Variants in ZRANB3 observed in about 807,000 individuals in gnomAD.
ZRANB3 encodes the protein zinc finger RANBP2-type containing 3.
In ZRANB3, 125 loss-of-function variants were observed where a neutral mutation model predicts 133.8. The ratio of observed to expected loss-of-function variants is 0.93; its 90% CI spans 0.81 to 1.08. The LOEUF (loss-of-function observed/expected upper bound fraction) is 1.08, where lower values mean the gene tolerates loss of function less well. ZRANB3 is among the 50% of genes least tolerant of loss of function. The pLI, the probability that ZRANB3 is intolerant of heterozygous loss-of-function variation, is 0.00. For missense variants in ZRANB3, 1,229 were observed against 1,275.5 expected (o/e 0.96, Z 0.56); for synonymous variants, 387 against 432.7 (o/e 0.89, Z 1.31).
intron 8 of ZRANB3, among the ~76,000 whole-genome samples, chr2:135,305,972 C>T (rs1682672555): frequency 6.6e-6 from 1 of 151,974 alleles, no homozygotes; most frequent in African/African-American, 2.4e-5. Context: ...TTGAACATTC[C>T]CTTATATGTG....
intron 12 of ZRANB3, among the ~76,000 whole-genome samples, chr2:135,261,541 A>G (rs1343386501): frequency 6.6e-6 from 1 of 152,234 alleles, no homozygotes; most frequent in Admixed American, 6.5e-5. Context: ...AGTATTGGAA[A>G]ATCTATAAGA....
At chr2:135,261,357 G>A (rs1035785133) in intron 12 of ZRANB3, among the ~76,000 whole-genome samples, 1 of 152,082 alleles carries the variant, frequency 6.6e-6, no homozygotes, top group African/African-American at 2.4e-5. Context: ...AGCTGGGAGG[G>A]TATAGACAGA....
intron 2 of ZRANB3, among the ~76,000 whole-genome samples, chr2:135,467,161 C>T (rs993353877): frequency 3.9e-5 from 6 of 152,058 alleles, no homozygotes; most frequent in African/African-American, 1.4e-4. Flanking sequence ...TCTCCTAGAC[C>T]CAGGCTTGAG....
chr2:135,487,205 T>C (rs1286338439), intron 2 of ZRANB3, among the ~76,000 whole-genome samples: 1 of 152,212 alleles, frequency 6.6e-6, no homozygotes, highest in Admixed American at 6.5e-5. Context: ...ATCTTTTTTC[T>C]CAGCAGTAGG....
intron 12 of ZRANB3, among the ~76,000 whole-genome samples, chr2:135,263,511 T>C (rs1041658400): frequency 6.6e-6 from 1 of 152,162 alleles, no homozygotes; most frequent in Non-Finnish European, 1.5e-5. Context: ...AAAATCCTAA[T>C]TTCTAAATAT....
chr2:135,436,999 G>A (rs1020336431), intron 2 of ZRANB3, among the ~76,000 whole-genome samples: 1 of 152,154 alleles, frequency 6.6e-6, no homozygotes, highest in African/African-American at 2.4e-5. Flanking sequence ...TCGCTCTGTT[G>A]CCCAGGCTGG....
intron 12 of ZRANB3, among the ~76,000 whole-genome samples, chr2:135,253,461 G>A (rs189493651): frequency 9.9e-5 from 15 of 152,152 alleles, no homozygotes; most frequent in African/African-American, 3.6e-4. Flanking sequence ...GCTTAACAAC[G>A]GAGATACAGA....
At chr2:135,232,978 G>A (rs762861504) in intron 12 of ZRANB3, among the ~76,000 whole-genome samples, 5 of 152,092 alleles carry the variant, frequency 3.3e-5, no homozygotes, top group South Asian at 4.1e-4. Context: ...GAAGGCTTCC[G>A]ACAATCAAAC....
At position 135,200,273 on chromosome 2, in the gene ZRANB3, A is replaced by G; in HGVS notation, c.*69T>C. On this transcript the variant is annotated 3_prime_UTR_variant, in exon 21 of 21. Coordinates refer to ENST00000264159, the MANE Select transcript of ZRANB3 (RefSeq NM_032143.4). Reference sequence around the variant, plus strand: ...TTTACTCTCGATATATTAAACAAACATGGAAAACTTCTGTATTAAAGTCTT... The same window carrying G: ...TTTACTCTCGATATATTAAACAAACGTGGAAAACTTCTGTATTAAAGTCTT... 7.7e-7 allele frequency: 1 copy of G among 1,303,406 alleles called. No individual in the cohort carries two copies. The highest frequency in any genetic ancestry group is 1.1e-6 in the Non-Finnish European group (1 of 935,700). 80.7% of individuals were successfully genotyped at this position (1,303,406 alleles called of 1,614,324 possible).
chr2:135,342,478 T>C (rs1684720037), intron 6 of ZRANB3, among the ~76,000 whole-genome samples: 1 of 149,964 alleles, frequency 6.7e-6, no homozygotes, highest in Non-Finnish European at 1.5e-5. Flanking sequence ...CTTGAAAATG[T>C]TTACCTCTTT....
intron 8 of ZRANB3, among the ~76,000 whole-genome samples, chr2:135,277,255 G>GA (rs947470328): frequency 7.2e-5 from 11 of 152,268 alleles, no homozygotes; most frequent in Non-Finnish European, 7.4e-5. Context: ...CCAGCCAAGA[G>GA]AAAAAACTAA....
At chr2:135,504,633 TTC>T (rs1693093776) in intron 1 of ZRANB3, 137 bp from the exon 2 acceptor site, 1 of 812,418 alleles carries the variant, frequency 1.2e-6, no homozygotes, top group Non-Finnish European at 1.8e-6. Flanking sequence ...CTAAATCATA[TTC>T]TCACAGTAAG....
intron 2 of ZRANB3, among the ~76,000 whole-genome samples, chr2:135,475,122 T>A (rs946274467): frequency 6.6e-6 from 1 of 152,232 alleles, no homozygotes; most frequent in African/African-American, 2.4e-5. Context: ...TGCCTAACAA[T>A]GGGATCAACC....
chr2:135,291,857 C>T (rs371098138), intron 8 of ZRANB3, among the ~76,000 whole-genome samples: 16 of 147,400 alleles, frequency 1.1e-4, no homozygotes, highest in African/African-American at 4.0e-4. Flanking sequence ...TTGGTTTTTT[C>T]TCCTTGCGAT....
At chr2:135,362,213 A>G (rs1006639483) in intron 3 of ZRANB3, among the ~76,000 whole-genome samples, 1 of 151,966 alleles carries the variant, frequency 6.6e-6, no homozygotes, top group Non-Finnish European at 1.5e-5. Context: ...AAAAAAAAAA[A>G]AGAATAGAAT....
At chr2:135,453,966 G>A (rs1050147167) in intron 2 of ZRANB3, among the ~76,000 whole-genome samples, 1 of 152,166 alleles carries the variant, frequency 6.6e-6, no homozygotes, top group Non-Finnish European at 1.5e-5. Flanking sequence ...AACAAAAAGA[G>A]GTTTAATTGG....
intron 2 of ZRANB3, among the ~76,000 whole-genome samples, chr2:135,499,089 T>C (rs559445342): frequency 1.6e-4 from 25 of 152,290 alleles, no homozygotes; most frequent in African/African-American, 5.5e-4. Flanking sequence ...TAATAAAAAC[T>C]TGCTGGTTTT....
chr2:135,291,154 G>A (rs570337128), intron 8 of ZRANB3, among the ~76,000 whole-genome samples: 25 of 145,978 alleles, frequency 1.7e-4, no homozygotes, highest in African/African-American at 5.6e-4. Context: ...GAGCCACTGC[G>A]CCTGGCCCGG....
At chr2:135,340,837 C>G (rs1266563355) in intron 6 of ZRANB3, among the ~76,000 whole-genome samples, 1 of 140,456 alleles carries the variant, frequency 7.1e-6, no homozygotes, top group Non-Finnish European at 1.5e-5. Context: ...GGCTGGTCAA[C>G]AGAGTGAGAT....
Sources: allele counts gnomAD v4.1 joint callset (sites outside exome capture counted in the v4.1 genomes callset), GRCh38; gene constraint gnomAD v4.1.1; transcripts MANE v1.5; gene names NCBI Gene and HGNC (gene_info 2026-07-23, HGNC 2026-07-21).